Variants in TXNDC9 observed in about 807,000 individuals in gnomAD.
TXNDC9 encodes thioredoxin domain containing 9, also known as thioredoxin domain-containing protein 9.
Under a neutral mutation model 23.0 loss-of-function variants are expected in TXNDC9, and 7 were observed. That is an observed-to-expected ratio of 0.30 (90% CI 0.17 to 0.57). The LOEUF (loss-of-function observed/expected upper bound fraction) is 0.57, where lower values mean the gene tolerates loss of function less well. TXNDC9 is among the 20% of genes least tolerant of loss of function. TXNDC9 has a pLI of 0.90. For synonymous variants in TXNDC9, 72 were observed against 90.6 expected (o/e 0.79, Z 1.17); for missense variants, 198 against 252.6 (o/e 0.78, Z 1.47).
chr2:99,322,744 A>T (rs1012877311), intron 3 of TXNDC9: 25 of 1,387,330 alleles, frequency 1.8e-5, no homozygotes, highest in Non-Finnish European at 2.3e-5. Flanking sequence ...AAATTAAAAA[A>T]TACCAGTAGT....
chr2:99,321,163 G>C (rs991484700), intron 4 of TXNDC9: 1 of 151,896 alleles, frequency 6.6e-6, no homozygotes, highest in Admixed American at 6.6e-5. Context: ...GAATGATTTC[G>C]GCATGTCTAG....
intron 3 of TXNDC9, chr2:99,322,740 A>G: frequency 7.2e-7 from 1 of 1,393,724 alleles, no homozygotes; most frequent in Non-Finnish European, 9.4e-7. Flanking sequence ...TAGGAAATTA[A>G]AAAATACCAG....
At chr2:99,327,711 G>T in intron 2 of TXNDC9, 58 bp from the exon 3 acceptor site, 1 of 1,014,116 alleles carries the variant, frequency 9.9e-7, no homozygotes, top group Non-Finnish European at 1.5e-6. Flanking sequence ...AGAACCACTT[G>T]ACATTTTAAG....
intron 1 of TXNDC9, among the ~76,000 whole-genome samples, chr2:99,333,743 A>G (rs2094231471): frequency 6.6e-6 from 1 of 152,208 alleles, no homozygotes; most frequent in South Asian, 2.1e-4. Flanking sequence ...CTGCTGCCCA[A>G]ATGAGTTTCA....
chr2:99,314,895 A>AT (rs56288449), downstream of TXNDC9, among the ~76,000 whole-genome samples: 2,060 of 106,878 alleles, frequency 0.019, 115 homozygotes, highest in Admixed American at 0.07. Context: ...TCCTTTACTC[A>AT]TTTTTTTTTT....
chr2:99,322,952 G>A (rs1381397244), intron 3 of TXNDC9, among the ~76,000 whole-genome samples: 2 of 151,922 alleles, frequency 1.3e-5, no homozygotes, highest in Non-Finnish European at 2.9e-5. Flanking sequence ...TAGTAGAGAC[G>A]GGGTTTCACT....
At chr2:99,323,907 G>A (rs1369499843) in intron 3 of TXNDC9, among the ~76,000 whole-genome samples, 2 of 152,084 alleles carry the variant, frequency 1.3e-5, no homozygotes, top group South Asian at 2.1e-4. Flanking sequence ...GTGCAGTGGC[G>A]CGATCTCGGC....
the TXNDC9 span, among the ~76,000 whole-genome samples, chr2:99,310,821 G>A: frequency 1.3e-5 from 2 of 152,160 alleles, no homozygotes; most frequent in African/African-American, 4.8e-5. Context: ...CACCAACATT[G>A]TGGTAATTTT....
chr2:99,327,152 A>C (rs1050203468), intron 3 of TXNDC9, among the ~76,000 whole-genome samples: 2 of 152,058 alleles, frequency 1.3e-5, no homozygotes, highest in Non-Finnish European at 2.9e-5. Flanking sequence ...CGCTCACTGC[A>C]ACCTCTGTCT....
intron 3 of TXNDC9, among the ~76,000 whole-genome samples, chr2:99,323,233 C>G (rs896557692): frequency 2.6e-5 from 4 of 151,628 alleles, no homozygotes; most frequent in Non-Finnish European, 4.4e-5. Flanking sequence ...ACGGTGAAAC[C>G]CTGTCTCTAC....
rs560888719 is a variant in TXNDC9 at position 99,330,146 on chromosome 2, C to T, written c.190-2493G>A. On this transcript the variant is annotated intron_variant, in intron 2 of 4. Transcript: ENST00000264255. ...CTCTACTAAAAATACAAAAATTAGC[C>T]GGGCATGGTGGCAGGCGTCTGTAAT... 4.0e-5 allele frequency among the ~76,000 whole-genome samples: 6 copies of T among 151,246 alleles called. No individual in the cohort carries two copies. In the South Asian group the frequency reaches 6.3e-4, roughly 16 times the overall value.
At chr2:99,316,954 C>A (rs1167348394), downstream of TXNDC9, among the ~76,000 whole-genome samples, 1 of 152,170 alleles carries the variant, frequency 6.6e-6, no homozygotes, top group Non-Finnish European at 1.5e-5. Flanking sequence ...GACGGGGTTT[C>A]ACGGTGTTAG....
chr2:99,327,084 C>G (rs539885327), intron 3 of TXNDC9, among the ~76,000 whole-genome samples: 1 of 150,130 alleles, frequency 6.7e-6, no homozygotes, highest in African/African-American at 2.4e-5. Context: ...TTTTTTCTTT[C>G]TTTTTTGAGA....
At chr2:99,330,263 C>T (rs1217510109) in intron 2 of TXNDC9, among the ~76,000 whole-genome samples, 2 of 108,350 alleles carry the variant, frequency 1.8e-5, no homozygotes, top group African/African-American at 7.1e-5. Flanking sequence ...GCACTCCAGC[C>T]GGGGCAACAG....
the TXNDC9 span, among the ~76,000 whole-genome samples, chr2:99,308,944 C>T: frequency 5.3e-5 from 8 of 151,998 alleles, no homozygotes; most frequent in South Asian, 2.1e-4. Context: ...CCTCGTGATC[C>T]GCCCGCCTCG....
chr2:99,323,726 ACT>A (rs988591144), intron 3 of TXNDC9, among the ~76,000 whole-genome samples: 3 of 152,164 alleles, frequency 2.0e-5, no homozygotes, highest in African/African-American at 4.8e-5. Context: ...ACAGAGTAAG[ACT>A]CTGTCTCAAA....
chr2:99,306,292 A>G, the TXNDC9 span, among the ~76,000 whole-genome samples: 1 of 152,220 alleles, frequency 6.6e-6, no homozygotes, highest in Non-Finnish European at 1.5e-5. Context: ...AGAGTCAAGA[A>G]TAAGACTTTG....
chr2:99,306,369 A>T, the TXNDC9 span, among the ~76,000 whole-genome samples: 1 of 152,062 alleles, frequency 6.6e-6, no homozygotes, highest in African/African-American at 2.4e-5. Flanking sequence ...AGCCAGGGAC[A>T]TGGTGGCTCA....
chr2:99,328,625 TCTTAAACTA>T (rs1464327108), intron 2 of TXNDC9, among the ~76,000 whole-genome samples: 4 of 152,084 alleles, frequency 2.6e-5, no homozygotes, highest in Non-Finnish European at 4.4e-5. Context: ...ATCCATGTAC[TCTTAAACTA>T]CTAAAACCAG....
Sources: allele counts gnomAD v4.1 joint callset (sites outside exome capture counted in the v4.1 genomes callset), GRCh38; gene constraint gnomAD v4.1.1; transcripts MANE v1.5; gene names NCBI Gene and HGNC (gene_info 2026-07-23, HGNC 2026-07-21).